The following TCF12 variants were observed in gnomAD, a reference collection of about 807,000 sequenced individuals.
TCF12 encodes transcription factor 12, also known as DNA-binding protein HTF4.
Under a neutral mutation model 86.0 loss-of-function variants are expected in TCF12, and 45 were observed. That is an observed-to-expected ratio of 0.52 (90% CI 0.41 to 0.67). The LOEUF (loss-of-function observed/expected upper bound fraction) is 0.67. Ranked by LOEUF, TCF12 falls within the 30% of genes least tolerant of loss-of-function variation. TCF12 has a pLI of 0.00. For missense variants in TCF12, 881 were observed against 859.9 expected (o/e 1.02, Z -0.31); for synonymous variants, 330 against 299.6 (o/e 1.10, Z -1.05).
intron 13 of TCF12, among the ~76,000 whole-genome samples, chr15:57,244,863 T>C (rs2059789059): frequency 6.6e-6 from 1 of 152,142 alleles, no homozygotes; most frequent in Non-Finnish European, 1.5e-5. Context: ...GATGTTATTG[T>C]AAACGGGATT....
At chr15:57,079,212 C>T (rs1426198955) in intron 4 of TCF12, among the ~76,000 whole-genome samples, 1 of 152,164 alleles carries the variant, frequency 6.6e-6, no homozygotes, top group Non-Finnish European at 1.5e-5. Context: ...CTTAAACGTG[C>T]TTCACAGTTT....
At chr15:56,956,491 A>G (rs2061509745) in intron 3 of TCF12, among the ~76,000 whole-genome samples, 1 of 151,850 alleles carries the variant, frequency 6.6e-6, no homozygotes, top group Non-Finnish European at 1.5e-5. Context: ...TGCTCCTCTT[A>G]TCTTTCTGTA....
chr15:57,192,425 G>A, intron 7 of TCF12, 132 bp downstream of exon 7: 2 of 1,257,802 alleles, frequency 1.6e-6, no homozygotes, highest in Admixed American at 2.6e-5. Flanking sequence ...GTCTCACTCT[G>A]TTACCCATGC....
At chr15:57,152,012 C>A (rs373565204) in intron 5 of TCF12, among the ~76,000 whole-genome samples, 1 of 152,254 alleles carries the variant, frequency 6.6e-6, no homozygotes, top group East Asian at 1.9e-4. Flanking sequence ...GGATGAAATA[C>A]TAACAGAAAA....
At chr15:57,185,615 G>A (rs2056622771) in intron 6 of TCF12, among the ~76,000 whole-genome samples, 1 of 152,130 alleles carries the variant, frequency 6.6e-6, no homozygotes. Flanking sequence ...ATATCAACAA[G>A]GTGACTCACA....
intron 3 of TCF12, among the ~76,000 whole-genome samples, chr15:56,949,774 A>C (rs1229289007): frequency 6.6e-6 from 1 of 152,182 alleles, no homozygotes; most frequent in African/African-American, 2.4e-5. Flanking sequence ...GATAAATACT[A>C]ATACAACCTG....
intron 4 of TCF12, 151 bp downstream of exon 4, chr15:57,063,974 C>A: frequency 1.6e-6 from 1 of 628,884 alleles, no homozygotes; most frequent in Non-Finnish European, 2.7e-6. Context: ...ACATTTAGTT[C>A]TTTTTATAAG....
chr15:56,943,627 T>A (rs1299188207), intron 3 of TCF12, among the ~76,000 whole-genome samples: 2 of 152,168 alleles, frequency 1.3e-5, no homozygotes, highest in African/African-American at 4.8e-5. Flanking sequence ...AGTAGCAGAA[T>A]TAGGTTTCAA....
chr15:57,284,680 A>C (rs945338971), intron 20 of TCF12, among the ~76,000 whole-genome samples: 31 of 152,250 alleles, frequency 2.0e-4, no homozygotes, highest in Non-Finnish European at 4.4e-5. Context: ...ATTCTGCCCT[A>C]ACACTTCTCT....
At chr15:57,055,196 G>A (rs953426377) in intron 3 of TCF12, among the ~76,000 whole-genome samples, 1 of 152,086 alleles carries the variant, frequency 6.6e-6, no homozygotes, top group Admixed American at 6.5e-5. Context: ...GGGGTCAGGA[G>A]TTCGAGACCA....
In TCF12 at chr15:57,289,427, C is replaced by T. The variant is rs1294875099; in HGVS notation, c.*3282C>T. ...ACACATAATTAGTAACAGATCAAGA[C>T]ACTTAAAACTTTCCCTACAAAACCT... On this transcript the variant is annotated 3_prime_UTR_variant, in exon 21 of 21. Transcript: ENST00000333725. 6.6e-6 allele frequency: 1 copy of T among 152,088 alleles called. No individual in the cohort carries two copies. The highest frequency in any genetic ancestry group is 1.5e-5 in the Non-Finnish European group (1 of 68,008). 9.4% of individuals were successfully genotyped at this position (152,088 alleles called of 1,614,324 possible).
At chr15:57,192,337 T>C (rs2057025328) in intron 7 of TCF12, 44 bp downstream of exon 7, 1 of 1,598,262 alleles carries the variant, frequency 6.3e-7, no homozygotes, top group South Asian at 1.1e-5. Context: ...TATGTTGTTG[T>C]TGTTTTTTCC....
intron 18 of TCF12, among the ~76,000 whole-genome samples, chr15:57,265,347 AG>A (rs2060812936): frequency 6.6e-6 from 1 of 151,968 alleles, no homozygotes; most frequent in African/African-American, 2.4e-5. Context: ...TGTGCGTATT[AG>A]GTTGAGTAAT....
intron 18 of TCF12, among the ~76,000 whole-genome samples, chr15:57,265,121 AGT>A (rs1273815135): frequency 7.5e-6 from 1 of 132,908 alleles, no homozygotes; most frequent in Non-Finnish European, 1.7e-5. Context: ...AGTATAGTAT[AGT>A]ATAGTATAGT....
chr15:56,993,092 A>T (rs925353693), intron 3 of TCF12, among the ~76,000 whole-genome samples: 16 of 150,180 alleles, frequency 1.1e-4, no homozygotes, highest in Non-Finnish European at 2.1e-4. Context: ...TGAGTTTACC[A>T]TTTTTTTTTT....
At chr15:57,045,253 T>C (rs1183569756) in intron 3 of TCF12, among the ~76,000 whole-genome samples, 1 of 152,180 alleles carries the variant, frequency 6.6e-6, no homozygotes, top group African/African-American at 2.4e-5. Context: ...CAAAAAAGTG[T>C]GTGGCATTCA....
chr15:57,181,505 A>G (rs1304797131), intron 6 of TCF12, among the ~76,000 whole-genome samples: 1 of 152,094 alleles, frequency 6.6e-6, no homozygotes, highest in African/African-American at 2.4e-5. Context: ...CTCCCTACAA[A>G]ATCATATTTA....
chr15:57,265,493 C>G (rs1343173036), intron 18 of TCF12, among the ~76,000 whole-genome samples: 2 of 152,094 alleles, frequency 1.3e-5, no homozygotes, highest in Non-Finnish European at 2.9e-5. Flanking sequence ...TCCCCCGACC[C>G]TGAACTGGAA....
rs201281521 is a variant in TCF12 at position 57,231,209 on chromosome 15, T to C, written c.637T>C (p.Ser213Pro). 1 of 1,613,264 alleles carries C rather than the reference T, an allele frequency of 6.2e-7. No homozygotes were observed. Among genetic ancestry groups the C allele is most frequent in the East Asian group, 2.2e-5 (1 of 44,804 alleles). Residue 213 changes from serine to proline, a missense_variant, in exon 9 of 21, where the codon TCT (serine) becomes CCT (proline). Physicochemically the swap from Ser to Pro is moderately conservative, Grantham distance 74. Transcript: ENST00000333725. ...CAACCGTGAATCTCCTAGTTATCCA[T>C]CTCCTAAGCCACCAACCAGTATGTT... ...DFNRESPSYPSPKPPTSMFAS... is the reference protein window; with the variant it reads ...DFNRESPSYPPPKPPTSMFAS...
Sources: gnomAD v4.1 joint callset for allele counts (sites outside exome capture counted in the v4.1 genomes callset) on GRCh38, gnomAD v4.1.1 for gene constraint, MANE v1.5 for transcripts, NCBI Gene and HGNC (gene_info 2026-07-23, HGNC 2026-07-21) for gene names.